ZG16: variants seen among roughly 807,000 people sequenced by gnomAD.
ZG16 encodes the protein zymogen granule protein 16.
A neutral mutation model predicts 15.6 loss-of-function variants in ZG16; 9 were observed. The ratio of observed to expected loss-of-function variants is 0.58; its 90% CI spans 0.35 to 1.00. The LOEUF (loss-of-function observed/expected upper bound fraction) is 1.00, where lower values mean the gene tolerates loss of function less well. Among genes scored for constraint, ZG16 ranks in the 50% least tolerant of loss-of-function variants. ZG16 has a pLI of 0.02. For missense variants in ZG16, 174 were observed against 214.8 expected (o/e 0.81, Z 1.19); for synonymous variants, 89 against 87.4 (o/e 1.02, Z -0.10).
At chr16:29,778,881 G>A (rs1898588313) in intron 1 of ZG16, among the ~76,000 whole-genome samples, 1 of 152,078 alleles carries the variant, frequency 6.6e-6, no homozygotes, top group Non-Finnish European at 1.5e-5. Flanking sequence ...TAGAAAACTC[G>A]TTTCCTGGCT....
In ZG16 at chr16:29,780,511, T is replaced by C. The variant is rs1898613591; in HGVS notation, c.*92T>C. ...AAATGGCTCAATAAAAAAAATATGG[T>C]TAAGGCTAGTCTGTGTGGGGGCATC... is the stretch of plus-strand genomic sequence containing the variant. On this transcript the variant is annotated 3_prime_UTR_variant, in exon 4 of 4. Coordinates refer to ENST00000400752, the MANE Select transcript of ZG16 (RefSeq NM_152338.4). The C allele has an allele frequency of 1.7e-6, 2 of 1,195,468 alleles. No homozygotes were observed. The highest frequency in any genetic ancestry group is 2.3e-6 in the Non-Finnish European group (2 of 875,086). 74.1% of individuals were successfully genotyped at this position (1,195,468 alleles called of 1,614,324 possible). A position where few individuals can be genotyped will look rare whatever the true frequency, so the allele number is the denominator to read the frequency against.
rs1898598987 is a variant in ZG16, at chr16:29,779,596, C to T, written c.147C>T (p.Ile49=). The stretch of plus-strand genomic sequence containing the variant: ...CTGGCAACCAGTTGGACGGCCCCAT[C>T]ACCGCCCTCCGGGTCCGAGTCAACA... ...SHSGNQLDGP[I]TALRVRVNTY... is the part of the protein sequence containing the mutation. The change falls in exon 3 of 4, where the codon ATC becomes ATT. Residue 49 remains isoleucine (I), a synonymous_variant. Coordinates refer to ENST00000400752, the MANE Select transcript of ZG16 (RefSeq NM_152338.4). 1.3e-6 allele frequency: 2 copies of T among 1,536,812 alleles called. No homozygotes were observed. Among genetic ancestry groups the T allele is most frequent in the Admixed American group, 3.9e-5 (2 of 50,848 alleles).
chr16:29,779,620 C>G lies in ZG16; in HGVS notation c.171C>G (p.Asn57Lys). 1 of 1,537,248 alleles carries G rather than the reference C, an allele frequency of 6.5e-7. No individual in the cohort carries two copies. The highest frequency in any genetic ancestry group is 1.2e-5 in the South Asian group (1 of 84,056). ...TCACCGCCCTCCGGGTCCGAGTCAA[C>G]ACATACTACATCGTAGGGTAAGATT... Reference protein sequence around the residue: ...GPITALRVRVNTYYIVGLQVR... With the variant: ...GPITALRVRVKTYYIVGLQVR... The change falls in exon 3 of 4, where the codon AAC becomes AAG. Residue 57 changes from asparagine to lysine, a missense_variant. Asn to Lys is a moderately conservative substitution (Grantham distance 94). Transcript: ENST00000400752.
Position 29,780,610 on chromosome 16 carries a change from G to T in ZG16, c.*191G>T. On this transcript the variant is annotated 3_prime_UTR_variant, in exon 4 of 4. Coordinates refer to ENST00000400752, the MANE Select transcript of ZG16 (RefSeq NM_152338.4). ...CACTTCTGGCTGGCTTTGGACATCT[G>T]TCTGGAAGATGGGAAGATGAGGGAG... 1.7e-6 allele frequency: 1 copy of T among 579,894 alleles called. No individual in the cohort carries two copies. The highest frequency in any genetic ancestry group is 3.0e-6 in the Non-Finnish European group (1 of 332,536). The allele number at this position is 579,894 out of a possible 1,614,324, so 35.9% of individuals were successfully genotyped here. A position where few individuals can be genotyped will look rare whatever the true frequency, so the allele number is the denominator to read the frequency against.
Position 29,780,700 on chromosome 16 carries a change from A to T in ZG16, c.*281A>T, listed in dbSNP as rs1163095982. The T allele has an allele frequency of 8.0e-6, 3 of 373,024 alleles. No individual in the cohort carries two copies. The highest frequency in any genetic ancestry group is 6.2e-5 in the African/African-American group (3 of 48,516). The allele number at this position is 373,024 out of a possible 1,614,324, so 23.1% of individuals were successfully genotyped here. A position where few individuals can be genotyped will look rare whatever the true frequency, so the allele number is the denominator to read the frequency against. On this transcript the variant is annotated 3_prime_UTR_variant, in exon 4 of 4. Transcript: ENST00000400752. ...AAGAGGAGATGAGATTCTGGCTTGC[A>T]TCAACGCTCTTCAAGGACAGCTCCT...
intron 1 of ZG16, 79 bp from the exon 2 acceptor site, chr16:29,779,181 G>T: frequency 2.9e-6 from 4 of 1,402,206 alleles, no homozygotes; most frequent in Non-Finnish European, 3.9e-6. Flanking sequence ...GGTCTGAGCT[G>T]CAGGTCAGGA....
chr16:29,780,298 T>C lies in ZG16; in HGVS notation c.383T>C (p.Phe128Ser). ...LSFGKDSGTS[F>S]NAVPLHPNTV... ...TTTGGGAAAGACAGTGGCACAAGTTTCAATGCCGTCCCCTTGCACCCCAAC... is the reference window on the plus strand; with the variant it reads ...TTTGGGAAAGACAGTGGCACAAGTTCCAATGCCGTCCCCTTGCACCCCAAC... Residue 128 changes from phenylalanine to serine, a missense_variant, in exon 4 of 4, where the codon TTC becomes TCC. Physicochemically the swap from Phe to Ser is radical, Grantham distance 155. Transcript: ENST00000400752. 1 of 1,537,444 alleles carries C rather than the reference T, an allele frequency of 6.5e-7. No individual in the cohort carries two copies. The highest frequency in any genetic ancestry group is 8.7e-7 in the Non-Finnish European group (1 of 1,146,948).
rs539133769 is a variant in ZG16, at chr16:29,780,395, C to A, written c.480C>A (p.Tyr160Ter). 4.0e-5 allele frequency: 61 copies of A among 1,533,886 alleles called. No homozygotes were observed. The African/African-American group carries it at 8.1e-4, about 20-fold the overall frequency. ...CCATTGGCCTGCACTGGGATGTTTA[C>A]CCCAGTAGCTGCAGCAGATGCTGAG... ...IDAIGLHWDVYPSSCSRC is the reference protein window; with the variant it reads ...IDAIGLHWDV Residue 160 changes from tyrosine (Y) to a stop codon, truncating the protein, a stop_gained, in exon 4 of 4, where the codon TAC (tyrosine) becomes TAA (stop). Transcript: ENST00000400752. LOFTEE classifies it high-confidence loss of function.
At position 29,779,545 on chromosome 16, in the gene ZG16, T is replaced by C; in HGVS notation, c.96T>C (p.Gly32=). 6.5e-7 allele frequency: 1 copy of C among 1,536,922 alleles called. No homozygotes were observed. Among genetic ancestry groups the C allele is most frequent in the Non-Finnish European group, 8.7e-7 (1 of 1,146,802 alleles). Residue 32 remains glycine, a synonymous_variant, in exon 3 of 4, where the codon GGT becomes GGC. Coordinates refer to ENST00000400752, the MANE Select transcript of ZG16 (RefSeq NM_152338.4). ...RSSSYSGEYG[G]GGGKRFSHSG... is the part of the protein sequence containing the mutation. ...CCTCCTATAGTGGAGAGTATGGAGGTGGTGGTGGAAAGCGATTCTCTCATT... is the reference window on the plus strand; with the variant it reads ...CCTCCTATAGTGGAGAGTATGGAGGCGGTGGTGGAAAGCGATTCTCTCATT...
chr16:29,779,987 A>C lies in ZG16; in HGVS notation c.189-117A>C, dbSNP rs928738454. The C allele has an allele frequency of 1.3e-5, 13 of 984,726 alleles. No homozygotes were observed. In the African/African-American group the frequency reaches 2.1e-4, roughly 16 times the overall value. 61.0% of individuals were successfully genotyped at this position (984,726 alleles called of 1,614,324 possible). A position where few individuals can be genotyped will look rare whatever the true frequency, so the allele number is the denominator to read the frequency against. On this transcript the variant is annotated intron_variant, in intron 3 of 3. Coordinates refer to ENST00000400752, the MANE Select transcript of ZG16 (RefSeq NM_152338.4). The stretch of plus-strand genomic sequence containing the variant: ...TCTCTTTGTTGGCAAAATGAGTTGA[A>C]GTTCCCTGTAGGATCTTCCAGGGTT...
Position 29,779,341 on chromosome 16 carries a change from C to T in ZG16, c.55+20C>T, listed in dbSNP as rs563976251. ...ATGCCAGTAAGTGAGATACCAGGAG[C>T]CTGGTATTGGGGACTTGGGAAGGCA... On this transcript the variant is annotated intron_variant, in intron 2 of 3. Coordinates refer to ENST00000400752, the MANE Select transcript of ZG16 (RefSeq NM_152338.4). 18 of 1,537,342 alleles carry T rather than the reference C, an allele frequency of 1.2e-5. No individual in the cohort carries two copies. The highest frequency in any genetic ancestry group is 1.4e-5 in the African/African-American group (1 of 73,152).
intron 1 of ZG16, 138 bp from the exon 2 acceptor site, chr16:29,779,122 A>C (rs776772876): frequency 1.3e-6 from 1 of 776,242 alleles, no homozygotes; most frequent in Non-Finnish European, 2.1e-6. Context: ...GTCCTTTCTA[A>C]GCTCAAGACT....
rs951115623 is a variant in ZG16, at chr16:29,779,582, T to C, written c.133T>C (p.Leu45=). ...GKRFSHSGNQ[L]DGPITALRVR... is the part of the protein sequence containing the mutation. ...GCGATTCTCTCATTCTGGCAACCAGTTGGACGGCCCCATCACCGCCCTCCG... is the reference window on the plus strand; with the variant it reads ...GCGATTCTCTCATTCTGGCAACCAGCTGGACGGCCCCATCACCGCCCTCCG... The change falls in exon 3 of 4, where the codon TTG becomes CTG. Residue 45 remains leucine (L), a synonymous_variant. Coordinates refer to ENST00000400752, the MANE Select transcript of ZG16 (RefSeq NM_152338.4). 25 of 1,537,068 alleles carry C rather than the reference T, an allele frequency of 1.6e-5. 1 individual carries two copies. The highest frequency in any genetic ancestry group is 7.3e-5 in the East Asian group (3 of 40,914).
intron 1 of ZG16, 38 bp downstream of exon 1, chr16:29,778,344 G>A (rs1898578708): frequency 6.6e-6 from 1 of 152,226 alleles, no homozygotes; most frequent in Non-Finnish European, 1.5e-5. Context: ...TGAGTTGGGG[G>A]GGAATTCAAA....
At position 29,779,607 on chromosome 16, in the gene ZG16, G is replaced by A. The variant is rs1326568902; in HGVS notation, c.158G>A (p.Arg53Gln). The A allele has an allele frequency of 2.3e-5, 35 of 1,536,714 alleles. No individual in the cohort carries two copies. Among genetic ancestry groups the A allele is most frequent in the African/African-American group, 9.6e-5 (7 of 72,936 alleles). ...TTGGACGGCCCCATCACCGCCCTCCGGGTCCGAGTCAACACATACTACATC... is the reference window on the plus strand; with the variant it reads ...TTGGACGGCCCCATCACCGCCCTCCAGGTCCGAGTCAACACATACTACATC... ...NQLDGPITALRVRVNTYYIVG... is the reference protein window; with the variant it reads ...NQLDGPITALQVRVNTYYIVG... The change falls in exon 3 of 4, where the codon CGG (arginine) becomes CAG (glutamine). Residue 53 changes from arginine to glutamine, a missense_variant. Transcript: ENST00000400752.
In ZG16 at chr16:29,782,687, TG is replaced by T. The variant is rs988470142; in HGVS notation, c.*2269del. Reference sequence around the variant, plus strand: ...CCAGCCTCTTCTTTGGCAGGGGCACTGTGGTGAGGAGGAAGGATTCCCTTAT... The same window carrying T: ...CCAGCCTCTTCTTTGGCAGGGGCACTTGGTGAGGAGGAAGGATTCCCTTAT... On this transcript the variant is annotated 3_prime_UTR_variant, in exon 4 of 4. Transcript: ENST00000400752. 6.6e-6 allele frequency: 1 copy of T among 152,290 alleles called. No homozygotes were observed. The highest frequency in any genetic ancestry group is 1.5e-5 in the Non-Finnish European group (1 of 68,038). 9.4% of individuals were successfully genotyped at this position (152,290 alleles called of 1,614,324 possible).
rs1898636608 is a variant in ZG16, at chr16:29,782,708, C to T, written c.*2289C>T. On this transcript the variant is annotated 3_prime_UTR_variant, in exon 4 of 4. Coordinates refer to ENST00000400752, the MANE Select transcript of ZG16 (RefSeq NM_152338.4). Reference sequence around the variant, plus strand: ...GCACTGTGGTGAGGAGGAAGGATTCCCTTATCACAAATCTCCATCCAATTG... The same window carrying T: ...GCACTGTGGTGAGGAGGAAGGATTCTCTTATCACAAATCTCCATCCAATTG... 2 of 152,426 alleles carry T rather than the reference C, an allele frequency of 1.3e-5. No homozygotes were observed. Among genetic ancestry groups the T allele is most frequent in the Admixed American group, 1.3e-4 (2 of 15,262 alleles). The allele number at this position is 152,426 out of a possible 1,614,324, so 9.4% of individuals were successfully genotyped here. A position where few individuals can be genotyped will look rare whatever the true frequency, so the allele number is the denominator to read the frequency against.
chr16:29,780,100 T>G lies in ZG16; in HGVS notation c.189-4T>G. The G allele has an allele frequency of 2.6e-6, 4 of 1,532,002 alleles. No individual in the cohort carries two copies. The highest frequency in any genetic ancestry group is 3.5e-6 in the Non-Finnish European group (4 of 1,143,214). 94.9% of individuals were successfully genotyped at this position (1,532,002 alleles called of 1,614,324 possible). A position where few individuals can be genotyped will look rare whatever the true frequency, so the allele number is the denominator to read the frequency against. ...TTCTCCTTCCTTCCTCCCCTCTTCC[T>G]CAGTCTTCAGGTGCGCTATGGCAAG... On this transcript the variant is annotated splice_polypyrimidine_tract_variant and splice_region_variant and intron_variant, in intron 3 of 3. Transcript: ENST00000400752.
rs1898616853 is a variant in ZG16, at chr16:29,780,826, CT to C, written c.*408del. Reference sequence around the variant, plus strand: ...TCCCACTCTCCAGCTCTCCTCACCCCTGGTCCTCCCCTTGAGAAAGTGGTGA... The same window carrying C: ...TCCCACTCTCCAGCTCTCCTCACCCCGGTCCTCCCCTTGAGAAAGTGGTGA... On this transcript the variant is annotated 3_prime_UTR_variant, in exon 4 of 4. Transcript: ENST00000400752. 1 of 170,668 alleles carries C rather than the reference CT, an allele frequency of 5.9e-6. No individual in the cohort carries two copies. The highest frequency in any genetic ancestry group is 2.4e-5 in the African/African-American group (1 of 41,846). The allele number at this position is 170,668 out of a possible 1,614,324, so 10.6% of individuals were successfully genotyped here.
Sources: gnomAD v4.1 joint callset for allele counts (sites outside exome capture counted in the v4.1 genomes callset) on GRCh38, gnomAD v4.1.1 for gene constraint, MANE v1.5 for transcripts, NCBI Gene and HGNC (gene_info 2026-07-23, HGNC 2026-07-21) for gene names.